Variants in ASIC2 observed in about 807,000 individuals in gnomAD.
ASIC2 encodes the protein acid sensing ion channel subunit 2.
Under a neutral mutation model 57.3 loss-of-function variants are expected in ASIC2, and 25 were observed. That is an observed-to-expected ratio of 0.44 (90% CI 0.32 to 0.61). The LOEUF (loss-of-function observed/expected upper bound fraction) is 0.61, where lower values mean the gene tolerates loss of function less well. ASIC2 is among the 20% of genes least tolerant of loss of function. The pLI is 0.06. For synonymous variants in ASIC2, 319 were observed against 307.5 expected, an observed-to-expected ratio of 1.04 and a Z score of -0.39; for missense variants, 641 against 738.1, an observed-to-expected ratio of 0.87 and a Z score of 1.52.
intron 1 of ASIC2, among the ~76,000 whole-genome samples, chr17:33,956,365 T>C (rs1449663534): frequency 6.6e-6 from 1 of 152,148 alleles, no homozygotes; most frequent in South Asian, 2.1e-4. Flanking sequence ...TCTTTCATAT[T>C]TGTGAGGGAG....
chr17:33,412,811 T>C (rs1010013839), intron 1 of ASIC2, among the ~76,000 whole-genome samples: 1 of 151,992 alleles, frequency 6.6e-6, no homozygotes, highest in African/African-American at 2.4e-5. Context: ...TAAAAGGAAT[T>C]GTGAATTTGC....
intron 3 of ASIC2, among the ~76,000 whole-genome samples, chr17:33,079,909 A>G (rs1402857465): frequency 6.6e-6 from 1 of 152,182 alleles, no homozygotes; most frequent in Non-Finnish European, 1.5e-5. Context: ...GGCCATTTAC[A>G]GAGTTTTGAA....
rs184088815 is a variant in ASIC2, at chr17:33,346,287, A to G, written c.556-234220T>C. 6.1e-3 allele frequency among the ~76,000 whole-genome samples: 913 copies of G among 149,942 alleles called. 14 individuals are homozygous for G. Among genetic ancestry groups the G allele is most frequent in the Non-Finnish European group, 5.9e-3 (397 of 67,458 alleles). ...AGAGAAAAGGAACATAAAGACACCT[A>G]TGTACATTTTCCAATGTATTTTGGA... On this transcript the variant is annotated intron_variant, in intron 1 of 9. Coordinates refer to the ASIC2 transcript ENST00000359872.
chr17:33,373,204 C>T (rs1909147961), intron 1 of ASIC2, among the ~76,000 whole-genome samples: 2 of 152,206 alleles, frequency 1.3e-5, no homozygotes, highest in South Asian at 4.1e-4. Flanking sequence ...ATGTAATCGA[C>T]CTGGTCAGAA....
Position 34,074,135 on chromosome 17 carries a change from C to G in ASIC2, c.555+81843G>C, listed in dbSNP as rs181310101. ...AATGCCAAAATCTCAAGCCCCAACC[C>G]AGACCTACTGATCAGAAACTCAGGA... On this transcript the variant is annotated intron_variant, in intron 1 of 9. Transcript: ENST00000359872. 4.1e-3 allele frequency among the ~76,000 whole-genome samples: 620 copies of G among 152,258 alleles called. 2 individuals are homozygous for G. Among genetic ancestry groups the G allele is most frequent in the Non-Finnish European group, 6.6e-3 (452 of 68,008 alleles).
intron 1 of ASIC2, among the ~76,000 whole-genome samples, chr17:33,780,185 G>GGTCTTGAACTCCTGACCTCAA (rs1911409144): frequency 6.6e-6 from 1 of 151,924 alleles, no homozygotes; most frequent in Non-Finnish European, 1.5e-5. Context: ...TGCCCAGGCT[G>GGTCTTGAACTCCTGACCTCAA]GTCTTGAACT....
intron 1 of ASIC2, among the ~76,000 whole-genome samples, chr17:33,177,299 A>T (rs958245058): frequency 2.0e-5 from 3 of 152,184 alleles, no homozygotes; most frequent in Admixed American, 2.0e-4. Flanking sequence ...GGAGCCCGAG[A>T]TCCACCATTA....
chr17:33,017,465 C>T (rs904334552), intron 8 of ASIC2, 140 bp downstream of exon 8: 1 of 682,504 alleles, frequency 1.5e-6, no homozygotes. Flanking sequence ...CTTCAGTGAT[C>T]GACTCTATTG....
intron 1 of ASIC2, among the ~76,000 whole-genome samples, chr17:33,548,950 A>G (rs974336865): frequency 2.0e-5 from 3 of 152,062 alleles, no homozygotes; most frequent in Non-Finnish European, 4.4e-5. Context: ...TTTATTCTCT[A>G]TCACATCACA....
intron 1 of ASIC2, among the ~76,000 whole-genome samples, chr17:33,729,740 G>C (rs1292302863): frequency 1.3e-5 from 2 of 152,180 alleles, no homozygotes; most frequent in Non-Finnish European, 2.9e-5. Context: ...GAGTTTATCT[G>C]TGTAAAGCGC....
At chr17:33,332,429 T>C (rs567601243) in intron 1 of ASIC2, among the ~76,000 whole-genome samples, 65 of 152,208 alleles carry the variant, frequency 4.3e-4, no homozygotes, top group Non-Finnish European at 8.2e-4. Context: ...TTTTTATTTT[T>C]TGGTATCGAA....
At chr17:33,869,127 T>C (rs898291089) in intron 1 of ASIC2, among the ~76,000 whole-genome samples, 9 of 152,080 alleles carry the variant, frequency 5.9e-5, no homozygotes, top group African/African-American at 2.2e-4. Context: ...AAGGAAGATA[T>C]ACGAATGGCA....
chr17:33,503,918 A>G (rs1914173184), intron 1 of ASIC2, among the ~76,000 whole-genome samples: 1 of 152,190 alleles, frequency 6.6e-6, no homozygotes, highest in Non-Finnish European at 1.5e-5. Context: ...GAGTTCAGAG[A>G]GCTTGAGACG....
chr17:33,247,718 C>A (rs1908740515), intron 1 of ASIC2, among the ~76,000 whole-genome samples: 1 of 152,162 alleles, frequency 6.6e-6, no homozygotes. Context: ...GTAGGTTCCT[C>A]AGTGGTTGTG....
At chr17:33,309,201 G>T (rs761262923) in intron 1 of ASIC2, among the ~76,000 whole-genome samples, 1 of 148,266 alleles carries the variant, frequency 6.7e-6, no homozygotes, top group Non-Finnish European at 1.5e-5. Context: ...TCCTCTGCTC[G>T]TAGCTCAGAT....
intron 1 of ASIC2, among the ~76,000 whole-genome samples, chr17:33,259,716 G>GC (rs1209963081): frequency 6.6e-6 from 1 of 152,170 alleles, no homozygotes; most frequent in Non-Finnish European, 1.5e-5. Flanking sequence ...CATGCACCCA[G>GC]CTGGGAATAG....
chr17:33,805,941 C>T (rs371064007), intron 1 of ASIC2, among the ~76,000 whole-genome samples: 97 of 152,346 alleles, frequency 6.4e-4, no homozygotes, highest in African/African-American at 2.1e-3. Context: ...TATACACACA[C>T]TTGCACACAT....
intron 1 of ASIC2, among the ~76,000 whole-genome samples, chr17:33,847,943 G>A (rs1913656917): frequency 6.6e-6 from 1 of 152,022 alleles, no homozygotes; most frequent in African/African-American, 2.4e-5. Context: ...GGAGGAAGAG[G>A]AGAACTCACT....
In ASIC2 at chr17:34,033,130, C is replaced by A. The variant is rs543911117; in HGVS notation, c.555+122848G>T. ...TAGATGGAAGTAAAGCACTCCTCAG[C>A]AAATGTAAAAGAACAGAAATTATAA... On this transcript the variant is annotated intron_variant, in intron 1 of 9. Coordinates refer to the ASIC2 transcript ENST00000359872. Among the ~76,000 whole-genome samples the A allele has an allele frequency of 2.5e-4, 38 of 152,258 alleles. No individual in the cohort carries two copies. The East Asian group carries it at 4.0e-3, about 16-fold the overall frequency.
Sources: gnomAD v4.1 joint callset for allele counts (sites outside exome capture counted in the v4.1 genomes callset) on GRCh38, gnomAD v4.1.1 for gene constraint, MANE v1.5 for transcripts, NCBI Gene and HGNC (gene_info 2026-07-23, HGNC 2026-07-21) for gene names.